Variants in CNNM2 observed in about 807,000 individuals in gnomAD.
CNNM2 encodes metal transporter CNNM2.
A neutral mutation model predicts 66.9 loss-of-function variants in CNNM2; 12 were observed. The observed-to-expected ratio is 0.18, with a 90% CI of 0.11 to 0.29. The LOEUF (loss-of-function observed/expected upper bound fraction) is 0.29, where lower values mean the gene tolerates loss of function less well. CNNM2 is among the 10% of genes least tolerant of loss of function. The pLI, the probability that CNNM2 is intolerant of heterozygous loss-of-function variation, is 1.00. For synonymous variants in CNNM2, 557 were observed against 501.8 expected (o/e 1.11, Z -1.47); for missense variants, 705 against 1,167.7 (o/e 0.60, Z 5.77).
chr10:103,086,978 A>C lies in CNNM2; in HGVS notation c.*9798A>C, dbSNP rs1162496635. On this transcript the variant is annotated 3_prime_UTR_variant, in exon 8 of 8. Coordinates refer to ENST00000369878, the MANE Select transcript of CNNM2 (RefSeq NM_017649.5). ...CCACTGACCAACTGCTGGGGAGGCTAGGGGACCTGTCAGTACATGCTGTAA... is the reference window on the plus strand; with the variant it reads ...CCACTGACCAACTGCTGGGGAGGCTCGGGGACCTGTCAGTACATGCTGTAA... 2 of 152,084 alleles carry C rather than the reference A, an allele frequency of 1.3e-5. No homozygotes were observed. The highest frequency in any genetic ancestry group is 2.9e-5 in the Non-Finnish European group (2 of 68,020). 9.4% of individuals were successfully genotyped at this position (152,084 alleles called of 1,614,324 possible).
At chr10:102,937,948 A>G (rs1001872931) in intron 1 of CNNM2, among the ~76,000 whole-genome samples, 7 of 151,942 alleles carry the variant, frequency 4.6e-5, no homozygotes, top group Non-Finnish European at 8.8e-5. Context: ...ATTTAACTAT[A>G]GGATAAGTTA....
rs2066322277 is a variant in CNNM2, at chr10:103,090,072, T to A, written c.*12892T>A. 1 of 513,786 alleles carries A rather than the reference T, an allele frequency of 1.9e-6. No individual in the cohort carries two copies. Among genetic ancestry groups the A allele is most frequent in the African/African-American group, 1.9e-5 (1 of 51,686 alleles). The allele number at this position is 513,786 out of a possible 1,614,324, so 31.8% of individuals were successfully genotyped here. On this transcript the variant is annotated 3_prime_UTR_variant, in exon 8 of 8. Transcript: ENST00000369878. The stretch of plus-strand genomic sequence containing the variant: ...CTTCATAGAACTACTTATAGTTGCC[T>A]GTCTTCCTCTCTCCCTGCCCCTCAA...
At chr10:103,007,737 C>T (rs547814164) in intron 1 of CNNM2, among the ~76,000 whole-genome samples, 2 of 152,236 alleles carry the variant, frequency 1.3e-5, no homozygotes, top group East Asian at 3.9e-4. Context: ...TTTCAAGGTG[C>T]ACTGATTTCA....
chr10:103,007,734 G>A (rs535819333), intron 1 of CNNM2, among the ~76,000 whole-genome samples: 1 of 152,168 alleles, frequency 6.6e-6, no homozygotes, highest in South Asian at 2.1e-4. Flanking sequence ...CTTTTTCAAG[G>A]TGCACTGATT....
At chr10:102,941,611 T>C (rs1846436823) in intron 1 of CNNM2, among the ~76,000 whole-genome samples, 1 of 152,246 alleles carries the variant, frequency 6.6e-6, no homozygotes, top group Non-Finnish European at 1.5e-5. Flanking sequence ...CTGCTCCTTC[T>C]CCCTGGAATG....
chr10:103,058,300 G>T (rs543607991), intron 4 of CNNM2, among the ~76,000 whole-genome samples: 1 of 152,068 alleles, frequency 6.6e-6, no homozygotes, highest in East Asian at 1.9e-4. Flanking sequence ...TTTATTTACT[G>T]CAGTGAGGGA....
At chr10:103,013,504 C>T (rs1716866169) in intron 1 of CNNM2, among the ~76,000 whole-genome samples, 1 of 152,044 alleles carries the variant, frequency 6.6e-6, no homozygotes, top group South Asian at 2.1e-4. Context: ...TTTAAAAGGT[C>T]GTTAGTAGAA....
At chr10:102,957,643 G>A (rs1046936527) in intron 1 of CNNM2, among the ~76,000 whole-genome samples, 1 of 152,094 alleles carries the variant, frequency 6.6e-6, no homozygotes, top group Non-Finnish European at 1.5e-5. Flanking sequence ...TTTATCTCAG[G>A]ATTCCTTCCA....
chr10:102,974,547 T>C (rs1376995788), intron 1 of CNNM2, among the ~76,000 whole-genome samples: 1 of 151,910 alleles, frequency 6.6e-6, no homozygotes, highest in Non-Finnish European at 1.5e-5. Flanking sequence ...AAAAAGAATA[T>C]CTAGAATTGG....
chr10:103,062,308 A>G (rs2065400746), intron 4 of CNNM2, among the ~76,000 whole-genome samples: 1 of 152,186 alleles, frequency 6.6e-6, no homozygotes, highest in Admixed American at 6.5e-5. Flanking sequence ...ACAGCCCTTG[A>G]AATACTTAGT....
At chr10:103,020,169 G>C (rs924262562) in intron 1 of CNNM2, among the ~76,000 whole-genome samples, 1 of 137,052 alleles carries the variant, frequency 7.3e-6, no homozygotes, top group Non-Finnish European at 1.6e-5. Context: ...TTTTTTTTTC[G>C]TCTGAGACAG....
chr10:103,047,667 T>TA (rs2065148889), intron 1 of CNNM2, among the ~76,000 whole-genome samples: 2 of 152,206 alleles, frequency 1.3e-5, no homozygotes, highest in African/African-American at 4.8e-5. Flanking sequence ...TAAGAATTTT[T>TA]AAAAATCTGT....
chr10:103,018,662 G>A (rs187271734), intron 1 of CNNM2, among the ~76,000 whole-genome samples: 1 of 149,200 alleles, frequency 6.7e-6, no homozygotes, highest in African/African-American at 2.5e-5. Flanking sequence ...TATGGTGGAA[G>A]CAAGGTAAAT....
chr10:102,962,405 A>G (rs1159853941), intron 1 of CNNM2, among the ~76,000 whole-genome samples: 2 of 152,136 alleles, frequency 1.3e-5, no homozygotes, highest in African/African-American at 4.8e-5. Context: ...TATCACTGTG[A>G]GTGGGAATTG....
intron 1 of CNNM2, among the ~76,000 whole-genome samples, chr10:103,005,617 C>T (rs2064210366): frequency 6.6e-6 from 1 of 152,124 alleles, no homozygotes; most frequent in African/African-American, 2.4e-5. Flanking sequence ...CCACTGCACT[C>T]CAACCTGGGC....
intron 1 of CNNM2, among the ~76,000 whole-genome samples, chr10:102,989,458 AT>A (rs1350203843): frequency 2.0e-5 from 3 of 151,748 alleles, no homozygotes; most frequent in African/African-American, 7.3e-5. Flanking sequence ...GGAAGAGAAA[AT>A]ATTTGCTTTA....
At position 103,077,049 on chromosome 10, in the gene CNNM2, A is replaced by T; in HGVS notation, c.2497A>T (p.Thr833Ser). Residue 833 changes from threonine (T) to serine (S), a missense_variant, in exon 8 of 8, where the codon ACT becomes TCT. By Grantham distance (58) the Thr-to-Ser change is moderately conservative. Coordinates refer to ENST00000369878, the MANE Select transcript of CNNM2 (RefSeq NM_017649.5). ...CCCCCAGTCTTCAGACAGTGAAAAC[A>T]CTAAAATCGAATTGACTCTTACGGA... Reference protein sequence around the residue: ...KTPQSSDSENTKIELTLTELH... With the variant: ...KTPQSSDSENSKIELTLTELH... 3 of 1,613,996 alleles carry T rather than the reference A, an allele frequency of 1.9e-6. No individual in the cohort carries two copies. In the East Asian group the frequency reaches 6.7e-5, roughly 36 times the overall value.
Position 103,004,601 on chromosome 10 carries a change from C to T in CNNM2, c.1622-45106C>T, listed in dbSNP as rs957452238. ...CTGCATTTGTCAGGAGCCAGTTGGA[C>T]TGGCTGTGGACCACACTTTGAGTAT... On this transcript the variant is annotated intron_variant, in intron 1 of 7. Coordinates refer to ENST00000369878, the MANE Select transcript of CNNM2 (RefSeq NM_017649.5). Among the ~76,000 whole-genome samples the T allele has an allele frequency of 2.0e-5, 3 of 152,218 alleles. No individual in the cohort carries two copies. The South Asian group carries it at 6.2e-4, about 31-fold the overall frequency.
intron 4 of CNNM2, 58 bp downstream of exon 4, chr10:103,057,022 G>T (rs1447583832): frequency 4.5e-6 from 7 of 1,547,340 alleles, no homozygotes; most frequent in African/African-American, 1.4e-5. Context: ...TTTCAGTTTG[G>T]TGTAAGTGAA....
Sources: allele counts gnomAD v4.1 joint callset (sites outside exome capture counted in the v4.1 genomes callset), GRCh38; gene constraint gnomAD v4.1.1; transcripts MANE v1.5; gene names NCBI Gene and HGNC (gene_info 2026-07-23, HGNC 2026-07-21).